The following ZNF385D variants were observed in gnomAD, a reference collection of about 807,000 sequenced individuals.
ZNF385D encodes the protein zinc finger protein 385D.
A neutral mutation model predicts 35.8 loss-of-function variants in ZNF385D; 15 were observed. The observed-to-expected ratio is 0.42, with a 90% CI of 0.28 to 0.64. The LOEUF (loss-of-function observed/expected upper bound fraction) is 0.64. Among genes scored for constraint, ZNF385D ranks in the 30% least tolerant of loss-of-function variants. The pLI is 0.23. For synonymous variants in ZNF385D, 212 were observed against 186.8 expected, an observed-to-expected ratio of 1.13 and a Z score of -1.10; for missense variants, 474 against 494.6, an observed-to-expected ratio of 0.96 and a Z score of 0.39.
Position 21,608,023 on chromosome 3 carries a change from G to GTTTTTTTTTGGTTTTTTTTTTTT in ZNF385D, c.166-43340_166-43339insAAAAAAAAAAAACCAAAAAAAAA, listed in dbSNP as rs1553622610. On this transcript the variant is annotated intron_variant, in intron 2 of 7. Coordinates refer to ENST00000281523, the MANE Select transcript of ZNF385D (RefSeq NM_024697.3). ...TAATTCTTTTTCTTCTTTTTTTTTT[G>GTTTTTTTTTGGTTTTTTTTTTTT]TTTTTTTTTTTTGAGTCTTGCTGTC... Among the ~76,000 whole-genome samples, 34 of 120,226 alleles carry GTTTTTTTTTGGTTTTTTTTTTTT rather than the reference G, an allele frequency of 2.8e-4. 2 individuals carry two copies. The highest frequency in any genetic ancestry group is 3.8e-4 in the African/African-American group (12 of 31,190). The allele number at this position is 120,226 out of a possible 152,430, so 78.9% of individuals were successfully genotyped here. A position where few individuals can be genotyped will look rare whatever the true frequency, so the allele number is the denominator to read the frequency against.
chr3:21,914,750 T>A lies in ZNF385D; in HGVS notation c.326-249722A>T, dbSNP rs144436252. Among the ~76,000 whole-genome samples the A allele has an allele frequency of 4.6e-5, 7 of 152,192 alleles. No individual in the cohort carries two copies. In the East Asian group the frequency reaches 1.2e-3, roughly 25 times the overall value. Reference sequence around the variant, plus strand: ...CAGCATCTTAAGAAAGAGTTTTACTTGAAATATTCTAAATACCCCTCGGTT... The same window carrying A: ...CAGCATCTTAAGAAAGAGTTTTACTAGAAATATTCTAAATACCCCTCGGTT... On this transcript the variant is annotated intron_variant, in intron 3 of 5. Coordinates refer to the ZNF385D transcript ENST00000494108.
chr3:21,744,605 G>C (rs2069674627), intron 1 of ZNF385D, among the ~76,000 whole-genome samples: 1 of 152,116 alleles, frequency 6.6e-6, no homozygotes, highest in Non-Finnish European at 1.5e-5. Context: ...CAAAGTGAAA[G>C]CTGAAAACTG....
chr3:21,939,264 T>C (rs1474875658), intron 3 of ZNF385D, among the ~76,000 whole-genome samples: 1 of 152,154 alleles, frequency 6.6e-6, no homozygotes, highest in Admixed American at 6.5e-5. Context: ...AAATCAGGGG[T>C]TTAATATGAA....
chr3:22,191,486 TAAGAA>T (rs1696025817), intron 2 of ZNF385D, among the ~76,000 whole-genome samples: 2 of 128,112 alleles, frequency 1.6e-5, no homozygotes, highest in Admixed American at 8.0e-5. Flanking sequence ...AAACTCCATC[TAAGAA>T]AAAAAAAAAA....
intron 2 of ZNF385D, among the ~76,000 whole-genome samples, chr3:22,245,157 T>G (rs575382246): frequency 6.0e-4 from 91 of 152,238 alleles, no homozygotes; most frequent in Non-Finnish European, 1.1e-3. Context: ...GTCTGAACAA[T>G]AAATAGATTA....
At chr3:21,907,467 G>A (rs963500915) in intron 3 of ZNF385D, among the ~76,000 whole-genome samples, 9 of 151,934 alleles carry the variant, frequency 5.9e-5, no homozygotes, top group African/African-American at 2.2e-4. Flanking sequence ...GCATTCCACT[G>A]TGCACATGAC....
intron 2 of ZNF385D, among the ~76,000 whole-genome samples, chr3:21,603,819 G>A (rs2064393922): frequency 6.6e-6 from 1 of 152,116 alleles, no homozygotes; most frequent in South Asian, 2.1e-4. Context: ...TAGGGTTTCA[G>A]TAGGCAGGGA....
intron 3 of ZNF385D, among the ~76,000 whole-genome samples, chr3:21,993,904 A>G (rs1695304772): frequency 1.3e-5 from 2 of 152,162 alleles, no homozygotes; most frequent in East Asian, 1.9e-4. Flanking sequence ...CTTTTTTCCA[A>G]TGCCAAACCA....
chr3:21,739,545 A>G (rs2125517631), intron 1 of ZNF385D, among the ~76,000 whole-genome samples: 2 of 152,310 alleles, frequency 1.3e-5, no homozygotes, highest in African/African-American at 4.8e-5. Flanking sequence ...GAATGTCCCA[A>G]GGTGGTAAAG....
chr3:21,530,752 A>G (rs946522797), intron 3 of ZNF385D, among the ~76,000 whole-genome samples: 3 of 152,156 alleles, frequency 2.0e-5, no homozygotes, highest in Admixed American at 6.6e-5. Flanking sequence ...AGTACCCATC[A>G]CTGCTCTATG....
At chr3:21,787,037 T>C (rs1236229880) in intron 3 of ZNF385D, among the ~76,000 whole-genome samples, 1 of 152,238 alleles carries the variant, frequency 6.6e-6, no homozygotes, top group Non-Finnish European at 1.5e-5. Context: ...TTTTAAAAAG[T>C]ATTAATCAAT....
chr3:21,972,460 A>G (rs187101078), intron 3 of ZNF385D, among the ~76,000 whole-genome samples: 5 of 152,098 alleles, frequency 3.3e-5, no homozygotes. Context: ...GTTTATAGCC[A>G]TAAGTGCCTA....
intron 3 of ZNF385D, among the ~76,000 whole-genome samples, chr3:22,013,126 G>A (rs574860843): frequency 3.6e-4 from 55 of 152,196 alleles, no homozygotes; most frequent in African/African-American, 1.3e-3. Context: ...AATCTGCAGA[G>A]GTTAAGGAGA....
At chr3:21,960,577 A>G (rs1194256941) in intron 3 of ZNF385D, among the ~76,000 whole-genome samples, 2 of 152,164 alleles carry the variant, frequency 1.3e-5, no homozygotes, top group East Asian at 3.9e-4. Flanking sequence ...CAGCAATCCC[A>G]CTACTGGTTA....
chr3:21,652,843 A>G (rs1246152222), intron 2 of ZNF385D, among the ~76,000 whole-genome samples: 9 of 152,226 alleles, frequency 5.9e-5, no homozygotes, highest in African/African-American at 2.2e-4. Context: ...TACAAAAGCT[A>G]TATAGATGAT....
rs71618877 is a variant in ZNF385D at position 21,997,049 on chromosome 3, T to TA, written c.325+171767dup. 2.7e-3 allele frequency among the ~76,000 whole-genome samples: 401 copies of TA among 149,414 alleles called. 2 individuals are homozygous for TA. The highest frequency in any genetic ancestry group is 9.0e-3 in the African/African-American group (372 of 41,308). On this transcript the variant is annotated intron_variant, in intron 3 of 5. Coordinates refer to the ZNF385D transcript ENST00000494108. Reference sequence around the variant, plus strand: ...AATGAAACCATCAAAGGAACAGTTTTAAAAAAAAACTGTGATTTTTTTTCA... The same window carrying TA: ...AATGAAACCATCAAAGGAACAGTTTTAAAAAAAAAACTGTGATTTTTTTTCA...
chr3:21,657,918 A>C (rs966708167), intron 2 of ZNF385D, among the ~76,000 whole-genome samples: 3 of 152,024 alleles, frequency 2.0e-5, no homozygotes, highest in African/African-American at 7.2e-5. Context: ...GAGCCAGAGA[A>C]GAGAGCACTA....
chr3:21,997,607 AAGAGAG>A (rs1313883999), intron 3 of ZNF385D, among the ~76,000 whole-genome samples: 1 of 151,750 alleles, frequency 6.6e-6, no homozygotes, highest in Admixed American at 6.6e-5. Flanking sequence ...AATGGAGGAA[AAGAGAG>A]AGAGAGTGTA....
chr3:21,698,944 T>C (rs2067569483), intron 1 of ZNF385D, among the ~76,000 whole-genome samples: 1 of 152,054 alleles, frequency 6.6e-6, no homozygotes, highest in South Asian at 2.1e-4. Flanking sequence ...AATTCAAGAA[T>C]CTAGAACCAG....
Sources: gnomAD v4.1 joint callset for allele counts (sites outside exome capture counted in the v4.1 genomes callset) on GRCh38, gnomAD v4.1.1 for gene constraint, MANE v1.5 for transcripts, NCBI Gene and HGNC (gene_info 2026-07-23, HGNC 2026-07-21) for gene names.